GAA: variants seen among roughly 807,000 people sequenced by gnomAD.
GAA encodes lysosomal alpha-glucosidase.
GAA carries 88 observed loss-of-function variants against 103.9 expected under a neutral mutation model. That is an observed-to-expected ratio of 0.85 (90% CI 0.71 to 1.01). The LOEUF (loss-of-function observed/expected upper bound fraction) is 1.01, where lower values mean the gene tolerates loss of function less well. GAA is among the 50% of genes least tolerant of loss of function. GAA has a pLI of 0.00. For synonymous variants in GAA, 572 were observed against 563.1 expected (o/e 1.02, Z -0.22); for missense variants, 1,350 against 1,305.3 (o/e 1.03, Z -0.53).
intron 5 of GAA, 141 bp downstream of exon 5, chr17:80,108,037 T>A: frequency 9.7e-7 from 1 of 1,026,048 alleles, no homozygotes; most frequent in Non-Finnish European, 1.5e-6. Context: ...GGCTGATGCC[T>A]CTCCCAACTC....
chr17:80,108,341 T>C lies in GAA; in HGVS notation c.1007T>C (p.Ile336Thr). The C allele has an allele frequency of 2.5e-6, 4 of 1,613,674 alleles. No homozygotes were observed. Among genetic ancestry groups the C allele is most frequent in the Non-Finnish European group, 3.4e-6 (4 of 1,180,024 alleles). ...PALSWRSTGG[I>T]LDVYIFLGPE... ...CTTAGCTGGAGGTCGACAGGTGGGA[T>C]CCTGGATGTCTACATCTTCCTGGGC... The change falls in exon 6 of 20, where the codon ATC (isoleucine) becomes ACC (threonine). Residue 336 changes from isoleucine (I) to threonine (T), a missense_variant. Transcript: ENST00000302262.
intron 3 of GAA, 130 bp from the exon 4 acceptor site, chr17:80,107,427 A>G (rs1221823379): frequency 3.4e-6 from 4 of 1,169,900 alleles, no homozygotes; most frequent in East Asian, 2.3e-5. Flanking sequence ...TCCCAGGGTC[A>G]GTGTGCTGCA....
rs1555599723 is a variant in GAA at position 80,107,727 on chromosome 17, AGCGGCGG to A, written c.858+17_858+23del. The A allele has an allele frequency of 8.6e-4, 1,383 of 1,610,866 alleles. 14 individuals carry two copies. In the African/African-American group the frequency reaches 0.016, roughly 19 times the overall value. The stretch of plus-strand genomic sequence containing the variant: ...AACCGGGACCTTGCGCCCACGGTAC[AGCGGCGG>A]GCGGCGGGCGGGGGCACTGAGCTGG... On this transcript the variant is annotated splice_donor_region_variant and intron_variant, in intron 4 of 19. Transcript: ENST00000302262.
At chr17:80,116,302 T>G (rs1271964924) in intron 15 of GAA, among the ~76,000 whole-genome samples, 1 of 152,232 alleles carries the variant, frequency 6.6e-6, no homozygotes, top group African/African-American at 2.4e-5. Flanking sequence ...GTCAATGTTT[T>G]TGAGATTCAC....
intron 15 of GAA, among the ~76,000 whole-genome samples, chr17:80,115,910 C>T (rs892317803): frequency 6.6e-6 from 1 of 152,138 alleles, no homozygotes; most frequent in Non-Finnish European, 1.5e-5. Flanking sequence ...TGGGGAGCAC[C>T]GTCAACACTT....
intron 15 of GAA, among the ~76,000 whole-genome samples, 158 bp downstream of exon 15, chr17:80,113,524 A>G (rs963326008): frequency 4.2e-4 from 64 of 152,218 alleles, no homozygotes; most frequent in African/African-American, 1.4e-3. Context: ...GGGGAAGGGC[A>G]GCAAGAAAAC....
intron 8 of GAA, 78 bp downstream of exon 8, chr17:80,108,906 C>T (rs1348277454): frequency 6.7e-7 from 1 of 1,485,338 alleles, no homozygotes; most frequent in African/African-American, 1.4e-5. Context: ...GCAGCGTCAT[C>T]CTCGTGCCTG....
At chr17:80,111,153 T>A in intron 11 of GAA, 128 bp downstream of exon 11, 1 of 889,598 alleles carries the variant, frequency 1.1e-6, no homozygotes, top group Non-Finnish European at 1.8e-6. Context: ...GGGGGGGGGA[T>A]CCCCAGGAGA....
rs746927444 is a variant in GAA at position 80,112,809 on chromosome 17, T to G, written c.1889-67T>G. On this transcript the variant is annotated intron_variant, in intron 13 of 19. Coordinates refer to ENST00000302262, the MANE Select transcript of GAA (RefSeq NM_000152.5). ...CCCACCCACTTAGCAGGTGGGGCTC[T>G]GGGTCACTTGGCCTGAGCTGGCTCT... 1.2e-5 allele frequency: 19 copies of G among 1,580,612 alleles called. No individual in the cohort carries two copies. The South Asian group carries it at 2.2e-4, about 18-fold the overall frequency.
rs1555600061 is a variant in GAA at position 80,108,512 on chromosome 17, T to C, written c.1099T>C (p.Trp367Arg). 1 of 1,613,162 alleles carries C rather than the reference T, an allele frequency of 6.2e-7. No homozygotes were observed. Among genetic ancestry groups the C allele is most frequent in the Non-Finnish European group, 8.5e-7 (1 of 1,179,976 alleles). Residue 367 changes from tryptophan to arginine, a missense_variant, in exon 7 of 20, where the codon TGG (tryptophan) becomes CGG (arginine). Coordinates refer to ENST00000302262, the MANE Select transcript of GAA (RefSeq NM_000152.5). ...AGGATACCCGTTCATGCCGCCATACTGGGGCCTGGGCTTCCACCTGTGCCG... is the reference window on the plus strand; with the variant it reads ...AGGATACCCGTTCATGCCGCCATACCGGGGCCTGGGCTTCCACCTGTGCCG... ...VVGYPFMPPYWGLGFHLCRWG... is the reference protein window; with the variant it reads ...VVGYPFMPPYRGLGFHLCRWG...
Position 80,107,599 on chromosome 17 carries a change from C to A in GAA, c.735C>A (p.Phe245Leu). Reference sequence around the variant, plus strand: ...CGCCCCTGTTCTTTGCGGACCAGTTCCTTCAGCTGTCCACCTCGCTGCCCT... The same window carrying A: ...CGCCCCTGTTCTTTGCGGACCAGTTACTTCAGCTGTCCACCTCGCTGCCCT... ...TVAPLFFADQ[F>L]LQLSTSLPSQ... Residue 245 changes from phenylalanine to leucine, a missense_variant, in exon 4 of 20, where the codon TTC becomes TTA. Physicochemically the swap from Phe to Leu is conservative, Grantham distance 22. Coordinates refer to ENST00000302262, the MANE Select transcript of GAA (RefSeq NM_000152.5). 1 of 1,613,270 alleles carries A rather than the reference C, an allele frequency of 6.2e-7. No individual in the cohort carries two copies. The highest frequency in any genetic ancestry group is 8.5e-7 in the Non-Finnish European group (1 of 1,179,918).
intron 11 of GAA, 78 bp downstream of exon 11, chr17:80,111,103 C>T: frequency 7.3e-7 from 1 of 1,374,292 alleles, no homozygotes; most frequent in African/African-American, 1.4e-5. Context: ...ACTTAGCACC[C>T]TCATCTCTGA....
Position 80,116,840 on chromosome 17 carries a change from A to G in GAA, c.2190-128A>G, listed in dbSNP as rs551129225. The G allele has an allele frequency of 7.6e-6, 8 of 1,052,194 alleles. No individual in the cohort carries two copies. In the East Asian group the frequency reaches 9.8e-5, roughly 13 times the overall value. The allele number at this position is 1,052,194 out of a possible 1,614,324, so 65.2% of individuals were successfully genotyped here. On this transcript the variant is annotated intron_variant, in intron 15 of 19. Transcript: ENST00000302262. ...CCTGCCCGTCTGACCTGAGTCCTCC[A>G]AGTCCTCCGGCACCTTGAGCTCCAG...
intron 16 of GAA, 92 bp from the exon 17 acceptor site, chr17:80,117,508 G>A (rs2039381527): frequency 6.7e-6 from 10 of 1,486,996 alleles, no homozygotes; most frequent in African/African-American, 1.4e-5. Context: ...AGGCCTCCAC[G>A]TGGAGCCCCG....
chr17:80,114,853 T>G (rs2039328270), intron 15 of GAA, among the ~76,000 whole-genome samples: 1 of 152,236 alleles, frequency 6.6e-6, no homozygotes, highest in East Asian at 1.9e-4. Flanking sequence ...CAGTTTTTGT[T>G]GACTTCAGAG....
chr17:80,105,088 C>T lies in GAA; in HGVS notation c.502C>T (p.Arg168Trp), dbSNP rs777473001. 11 of 1,611,980 alleles carry T rather than the reference C, an allele frequency of 6.8e-6. No individual in the cohort carries two copies. The African/African-American group carries it at 8.0e-5, about 12-fold the overall frequency. Reference protein sequence around the residue: ...TFFPKDILTLRLDVMMETENR... With the variant: ...TFFPKDILTLWLDVMMETENR... ...CTTCCCCAAGGACATCCTGACCCTG[C>T]GGCTGGACGTGATGATGGAGACTGA... Residue 168 changes from arginine (R) to tryptophan (W), a missense_variant, in exon 2 of 20, where the codon CGG becomes TGG. By Grantham distance (101) the Arg-to-Trp change is moderately radical. Transcript: ENST00000302262.
intron 9 of GAA, 108 bp downstream of exon 9, chr17:80,110,163 G>A (rs955616902): frequency 1.5e-5 from 13 of 862,122 alleles, no homozygotes; most frequent in Admixed American, 6.2e-5. Flanking sequence ...ATCACGCCCA[G>A]TGGGACAGCT....
In GAA at chr17:80,106,038, A is replaced by G. The variant is rs2304847; in HGVS notation, c.692+144A>G. On this transcript the variant is annotated intron_variant, in intron 3 of 19. Coordinates refer to ENST00000302262, the MANE Select transcript of GAA (RefSeq NM_000152.5). ...TCACACGGCGGGGAGGGCGACGGGC[A>G]TTTCTCACAGGGCGCTCCCTGGGTC... 0.7 allele frequency: 754,190 copies of G among 1,082,530 alleles called. 266,627 individuals are homozygous for G. The highest frequency in any genetic ancestry group is 0.79 in the Middle Eastern group (2,521 of 3,186). 67.1% of individuals were successfully genotyped at this position (1,082,530 alleles called of 1,614,324 possible).
chr17:80,105,508 T>G (rs1394448149), intron 2 of GAA, among the ~76,000 whole-genome samples: 1 of 152,142 alleles, frequency 6.6e-6, no homozygotes, highest in Non-Finnish European at 1.5e-5. Flanking sequence ...AAAAGCTGCT[T>G]GTTGTTTATC....
Sources: allele counts gnomAD v4.1 joint callset (sites outside exome capture counted in the v4.1 genomes callset), GRCh38; gene constraint gnomAD v4.1.1; transcripts MANE v1.5; gene names NCBI Gene and HGNC (gene_info 2026-07-23, HGNC 2026-07-21).